The following CEP250 variants were observed in gnomAD, a reference collection of about 807,000 sequenced individuals.
CEP250 encodes the protein centrosome-associated protein CEP250.
In CEP250, 242 loss-of-function variants were observed where a neutral mutation model predicts 315.7. The ratio of observed to expected loss-of-function variants is 0.77; its 90% confidence interval spans 0.69 to 0.85. The LOEUF (loss-of-function observed/expected upper bound fraction) is 0.85, where lower values mean the gene tolerates loss of function less well. CEP250 is among the 40% of genes least tolerant of loss of function. The pLI is 0.00. For synonymous variants in CEP250, 1,088 were observed against 1,175.0 expected (o/e 0.93, Z 1.51); for missense variants, 2,515 against 2,886.4 (o/e 0.87, Z 2.95).
intron 20 of CEP250, among the ~76,000 whole-genome samples, chr20:35,485,636 T>C (rs2063487730): frequency 7.2e-6 from 1 of 138,592 alleles, no homozygotes; most frequent in African/African-American, 2.7e-5. Context: ...GACTACAGCG[T>C]CTGCCTGGCT....
intron 26 of CEP250, among the ~76,000 whole-genome samples, 197 bp from the exon 27 acceptor site, chr20:35,498,398 T>C (rs1289851367): frequency 1.3e-5 from 2 of 152,214 alleles, no homozygotes; most frequent in African/African-American, 4.8e-5. Context: ...TAATAAGTGA[T>C]AGCTCGCATT....
Position 35,516,259 on chromosome 20 carries a change from ATTCT to A in CEP250, c.*4639_*4642del, listed in dbSNP as rs1277925154. ...GGACGAGAATTCATATTCAAATGTG[ATTCT>A]TTCTTAATTACTACCAGTTGTTCAG... is the stretch of plus-strand genomic sequence containing the variant. On this transcript the variant is annotated 3_prime_UTR_variant, in exon 35 of 35. Transcript: ENST00000397527. The A allele has an allele frequency of 6.6e-6, 1 of 152,158 alleles. No individual in the cohort carries two copies. The highest frequency in any genetic ancestry group is 1.5e-5 in the Non-Finnish European group (1 of 68,028). 9.4% of individuals were successfully genotyped at this position (152,158 alleles called of 1,614,324 possible).
chr20:35,456,632 C>T (rs1290359387), intron 1 of CEP250, among the ~76,000 whole-genome samples: 2 of 152,186 alleles, frequency 1.3e-5, no homozygotes, highest in Non-Finnish European at 2.9e-5. Flanking sequence ...AAGTGCCCCT[C>T]ACAGAGCTGT....
At chr20:35,476,780 A>G (rs1164950636) in intron 16 of CEP250, 185 bp downstream of exon 16, 6 of 514,340 alleles carry the variant, frequency 1.2e-5, no homozygotes, top group South Asian at 3.1e-5. Context: ...CAGCAGAACC[A>G]CCTCTGGACT....
intron 5 of CEP250, 24 bp downstream of exon 5, chr20:35,463,655 AC>A: frequency 6.3e-7 from 1 of 1,590,702 alleles, no homozygotes. Context: ...AGCTCTCTGC[AC>A]CCCCTGGGTC....
Position 35,476,538 on chromosome 20 carries a change from T to C in CEP250, c.1806T>C (p.Ser602=), listed in dbSNP as rs1322018929. The part of the protein sequence containing the change: ...ADLRAAAVKL[S]ALNEALALDK... Reference sequence around the variant, plus strand: ...TTCGGGCTGCAGCTGTCAAGCTCAGTGCCTTAAATGAGGCTTTGGCGTTAG... The same window carrying C: ...TTCGGGCTGCAGCTGTCAAGCTCAGCGCCTTAAATGAGGCTTTGGCGTTAG... Residue 602 remains serine, a synonymous_variant, in exon 16 of 35, where the codon AGT becomes AGC. Transcript: ENST00000397527. 1 of 1,614,008 alleles carries C rather than the reference T, an allele frequency of 6.2e-7. No homozygotes were observed. Among genetic ancestry groups the C allele is most frequent in the Non-Finnish European group, 8.5e-7 (1 of 1,179,942 alleles).
In CEP250 at chr20:35,498,650, C is replaced by T. The variant is rs532232752; in HGVS notation, c.3711C>T (p.Ser1237=). Residue 1237 remains serine (S), a synonymous_variant, in exon 27 of 35, where the codon TCC becomes TCT. Transcript: ENST00000397527. Reference sequence around the variant, plus strand: ...GAGGGCCCCTGCTGACTGCTCTCTCCGCTGAGGCAGTAGCATCTGCCCTCC... The same window carrying T: ...GAGGGCCCCTGCTGACTGCTCTCTCTGCTGAGGCAGTAGCATCTGCCCTCC... ...FKRGPLLTAL[S]AEAVASALHK... is the part of the protein sequence containing the mutation. The T allele has an allele frequency of 1.7e-5, 28 of 1,608,350 alleles. No homozygotes were observed. In the East Asian group the frequency reaches 2.9e-4, roughly 17 times the overall value.
In CEP250 at chr20:35,473,875, G is replaced by A. The variant is rs765132427; in HGVS notation, c.1394G>A (p.Arg465Gln). 5 of 1,611,134 alleles carry A rather than the reference G, an allele frequency of 3.1e-6. No homozygotes were observed. The highest frequency in any genetic ancestry group is 1.3e-5 in the African/African-American group (1 of 74,670). ...CTCTGATTCCCTTCTTCCAGGGAGCGAGAGCTGCTGCAGAAGGCCAGGGAA... is the reference window on the plus strand; with the variant it reads ...CTCTGATTCCCTTCTTCCAGGGAGCAAGAGCTGCTGCAGAAGGCCAGGGAA... ...QGEVDSLSKERELLQKAREEL... is the reference protein window; with the variant it reads ...QGEVDSLSKEQELLQKAREEL... The change falls in exon 14 of 35, where the codon CGA (arginine) becomes CAA (glutamine). Residue 465 changes from arginine (R) to glutamine (Q), a missense_variant. Transcript: ENST00000397527.
At chr20:35,489,433 G>A (rs1407003667) in intron 20 of CEP250, among the ~76,000 whole-genome samples, 2 of 152,232 alleles carry the variant, frequency 1.3e-5, no homozygotes, top group East Asian at 1.9e-4. Context: ...TGTGTGCTAC[G>A]CACATTTAAA....
chr20:35,465,726 G>T lies in CEP250; in HGVS notation c.244-17G>T. 1 of 1,571,156 alleles carries T rather than the reference G, an allele frequency of 6.4e-7. No individual in the cohort carries two copies. Among genetic ancestry groups the T allele is most frequent in the South Asian group, 1.2e-5 (1 of 83,930 alleles). On this transcript the variant is annotated splice_polypyrimidine_tract_variant and intron_variant, in intron 5 of 34. Coordinates refer to ENST00000397527, the MANE Select transcript of CEP250 (RefSeq NM_007186.6). ...TTCTCTTTGGAGGTAAGTAAGGCTT[G>T]TCTCTGTCTGGCGCAGGGACCAATC...
intron 3 of CEP250, among the ~76,000 whole-genome samples, chr20:35,461,399 T>TCTC (rs3055798): frequency 1.5e-3 from 227 of 151,924 alleles, no homozygotes; most frequent in Non-Finnish European, 2.9e-3. Context: ...CCAGAACTCT[T>TCTC]TACCACCATG....
At chr20:35,470,781 T>G (rs1014814228) in intron 10 of CEP250, among the ~76,000 whole-genome samples, 3 of 152,156 alleles carry the variant, frequency 2.0e-5, no homozygotes, top group African/African-American at 4.8e-5. Context: ...GTTTACATAT[T>G]TAATGTTTTC....
chr20:35,495,635 C>T (rs2063815564), intron 24 of CEP250, among the ~76,000 whole-genome samples: 1 of 152,132 alleles, frequency 6.6e-6, no homozygotes, highest in East Asian at 1.9e-4. Flanking sequence ...CCTGTAATGC[C>T]AGCTACTTGG....
chr20:35,467,614 G>A, intron 9 of CEP250, 59 bp downstream of exon 9: 1 of 1,553,612 alleles, frequency 6.4e-7, no homozygotes, highest in South Asian at 1.2e-5. Flanking sequence ...TCCTTTAGAG[G>A]GTTAGGGACA....
chr20:35,457,790 T>A (rs58458373), intron 1 of CEP250, among the ~76,000 whole-genome samples: 52,161 of 151,898 alleles, frequency 0.34, 10,352 homozygotes, highest in African/African-American at 0.54. Context: ...CAGAGCCAGA[T>A]CCTGTCTCAA....
In CEP250 at chr20:35,460,025, C is replaced by G. The variant is rs568872780; in HGVS notation, c.-184C>G. On this transcript the variant is annotated 5_prime_UTR_variant, in exon 3 of 35. Coordinates refer to ENST00000397527, the MANE Select transcript of CEP250 (RefSeq NM_007186.6). ...AATCCTGGGATAAGAGAATAGTTTC[C>G]TGGAAGATCTGTGCCTCCAACCAGC... 6.6e-6 allele frequency: 1 copy of G among 152,220 alleles called. No homozygotes were observed. The highest frequency in any genetic ancestry group is 1.9e-4 in the East Asian group (1 of 5,176). 9.4% of individuals were successfully genotyped at this position (152,220 alleles called of 1,614,324 possible).
chr20:35,458,384 G>C lies in CEP250; in HGVS notation c.-227+10G>C, dbSNP rs2062679466. Reference sequence around the variant, plus strand: ...TAGCAAAAGTAGGAAGGTAGGTCTTGTTCATTTCTGTACCACTGTGGCAGA... The same window carrying C: ...TAGCAAAAGTAGGAAGGTAGGTCTTCTTCATTTCTGTACCACTGTGGCAGA... On this transcript the variant is annotated intron_variant, in intron 2 of 34. Coordinates refer to ENST00000397527, the MANE Select transcript of CEP250 (RefSeq NM_007186.6). The C allele has an allele frequency of 2.6e-5, 4 of 152,192 alleles. No individual in the cohort carries two copies. The highest frequency in any genetic ancestry group is 9.6e-5 in the African/African-American group (4 of 41,462). 9.4% of individuals were successfully genotyped at this position (152,192 alleles called of 1,614,324 possible). A position where few individuals can be genotyped will look rare whatever the true frequency, so the allele number is the denominator to read the frequency against.
intron 18 of CEP250, 73 bp from the exon 19 acceptor site, chr20:35,479,573 G>C: frequency 6.3e-7 from 1 of 1,581,138 alleles, no homozygotes; most frequent in Admixed American, 1.8e-5. Context: ...CCAATACTTA[G>C]AACCCAGCTC....
chr20:35,491,901 A>AG (rs1288615402), intron 22 of CEP250, among the ~76,000 whole-genome samples: 2 of 151,082 alleles, frequency 1.3e-5, no homozygotes, highest in Non-Finnish European at 3.0e-5. Flanking sequence ...GTCTCAAAAA[A>AG]AAAAAAAAAA....
Sources: gnomAD v4.1 joint callset for allele counts (sites outside exome capture counted in the v4.1 genomes callset) on GRCh38, gnomAD v4.1.1 for gene constraint, MANE v1.5 for transcripts, NCBI Gene and HGNC (gene_info 2026-07-23, HGNC 2026-07-21) for gene names.